Variants in HPSE2 observed in about 807,000 individuals in gnomAD.
HPSE2 encodes the protein heparanase 2 (inactive), also known as inactive heparanase-2.
In HPSE2, 38 loss-of-function variants were observed where a neutral mutation model predicts 60.5. The ratio of observed to expected loss-of-function variants is 0.63; its 90% CI spans 0.48 to 0.82. The LOEUF is 0.82. HPSE2 is among the 40% of genes least tolerant of loss of function. The pLI is 0.00. For synonymous variants in HPSE2, 295 were observed against 293.2 expected, an observed-to-expected ratio of 1.01 and a Z score of -0.06; for missense variants, 713 against 740.4, an observed-to-expected ratio of 0.96 and a Z score of 0.43.
chr10:99,066,372 A>T (rs144401201), intron 3 of HPSE2, among the ~76,000 whole-genome samples: 1 of 152,248 alleles, frequency 6.6e-6, no homozygotes, highest in Admixed American at 6.5e-5. Flanking sequence ...GAAAAGGAAG[A>T]GTAAACTCAA....
intron 3 of HPSE2, among the ~76,000 whole-genome samples, chr10:98,811,993 A>G (rs187114950): frequency 1.5e-4 from 23 of 152,260 alleles, no homozygotes; most frequent in Admixed American, 1.5e-3. Flanking sequence ...TAGAAATACA[A>G]TTCTTTTTAT....
the HPSE2 span, among the ~76,000 whole-genome samples, chr10:99,293,348 A>G: frequency 6.6e-6 from 1 of 152,232 alleles, no homozygotes; most frequent in Non-Finnish European, 1.5e-5. Context: ...CTTTATTGAG[A>G]GAATGGGATT....
chr10:98,699,776 T>C (rs903483309), intron 5 of HPSE2, among the ~76,000 whole-genome samples: 1 of 128,184 alleles, frequency 7.8e-6, no homozygotes, highest in Non-Finnish European at 1.7e-5. Flanking sequence ...CTTAAGCTGA[T>C]AAGCAACTTC....
intron 2 of HPSE2, among the ~76,000 whole-genome samples, chr10:99,154,619 GAAC>G (rs1564850693): frequency 6.6e-6 from 1 of 151,582 alleles, no homozygotes. Flanking sequence ...ACATGGAAAG[GAAC>G]AACCGGTACC....
At chr10:98,701,579 A>T (rs2134193803) in intron 5 of HPSE2, among the ~76,000 whole-genome samples, 2 of 151,840 alleles carry the variant, frequency 1.3e-5, no homozygotes, top group South Asian at 4.2e-4. Context: ...AGCATGGCAC[A>T]TGTATACATA....
intron 3 of HPSE2, among the ~76,000 whole-genome samples, chr10:99,093,833 C>A: frequency 6.6e-6 from 1 of 152,158 alleles, no homozygotes; most frequent in Non-Finnish European, 1.5e-5. Context: ...GCCTCTTAAT[C>A]TATTTTTATT....
At chr10:98,807,775 G>A (rs1951075307) in intron 3 of HPSE2, among the ~76,000 whole-genome samples, 1 of 152,182 alleles carries the variant, frequency 6.6e-6, no homozygotes, top group African/African-American at 2.4e-5. Flanking sequence ...TCTTCTTGGT[G>A]ATAGTATTTA....
chr10:99,114,711 G>A (rs1844603855), intron 3 of HPSE2, among the ~76,000 whole-genome samples: 1 of 151,846 alleles, frequency 6.6e-6, no homozygotes, highest in African/African-American at 2.4e-5. Flanking sequence ...TCAGGACATC[G>A]AGACCATCCT....
chr10:98,680,339 T>C (rs115578415), intron 6 of HPSE2, among the ~76,000 whole-genome samples: 2,214 of 152,336 alleles, frequency 0.015, 53 homozygotes, highest in African/African-American at 0.05. Flanking sequence ...AGCACTATCA[T>C]TGATCAAGAT....
chr10:98,863,421 T>C (rs1298110168), intron 3 of HPSE2, among the ~76,000 whole-genome samples: 3 of 152,146 alleles, frequency 2.0e-5, no homozygotes, highest in South Asian at 2.1e-4. Context: ...GAAGCAGTTA[T>C]AGATATCTTG....
intron 3 of HPSE2, among the ~76,000 whole-genome samples, chr10:99,070,838 T>C (rs1177651859): frequency 6.6e-6 from 1 of 152,204 alleles, no homozygotes; most frequent in East Asian, 1.9e-4. Context: ...TTTCAAGATT[T>C]CCTTATTTTG....
intron 9 of HPSE2, among the ~76,000 whole-genome samples, chr10:98,610,718 A>G (rs1300099185): frequency 6.6e-6 from 1 of 152,184 alleles, no homozygotes; most frequent in African/African-American, 2.4e-5. Flanking sequence ...CCACAAACAC[A>G]TATCAGATTA....
At chr10:99,140,099 A>G (rs1845811194) in intron 3 of HPSE2, among the ~76,000 whole-genome samples, 1 of 152,218 alleles carries the variant, frequency 6.6e-6, no homozygotes. Context: ...GTCCCCAGAT[A>G]ATTATGGTTT....
intron 3 of HPSE2, among the ~76,000 whole-genome samples, chr10:99,015,562 A>C (rs12249200): frequency 1.3e-5 from 2 of 149,794 alleles, no homozygotes; most frequent in Non-Finnish European, 3.0e-5. Context: ...GCAAACTATC[A>C]CAAGGACAAA....
chr10:98,722,284 T>TA (rs1948946760), intron 4 of HPSE2, among the ~76,000 whole-genome samples: 1 of 150,672 alleles, frequency 6.6e-6, no homozygotes, highest in East Asian at 2.0e-4. Context: ...GAAGTTCAGA[T>TA]ACCCAGACAC....
At chr10:98,890,879 A>G (rs10786482) in intron 3 of HPSE2, among the ~76,000 whole-genome samples, 98,180 of 152,068 alleles carry the variant, frequency 0.65, 32,587 homozygotes, top group South Asian at 0.79. Flanking sequence ...TCACTCCATC[A>G]AAGTATTTAC....
intron 3 of HPSE2, among the ~76,000 whole-genome samples, chr10:98,882,936 A>G (rs966357919): frequency 6.6e-6 from 1 of 152,134 alleles, no homozygotes; most frequent in African/African-American, 2.4e-5. Context: ...GGTTGTTGTT[A>G]TAAGATTTGA....
At chr10:99,175,744 A>T (rs1344764099) in intron 2 of HPSE2, among the ~76,000 whole-genome samples, 2 of 152,184 alleles carry the variant, frequency 1.3e-5, no homozygotes, top group Non-Finnish European at 2.9e-5. Context: ...AGAGGAGCAG[A>T]TCTCCCAGCA....
At chr10:98,502,209 T>C (rs1329729567) in intron 9 of HPSE2, among the ~76,000 whole-genome samples, 1 of 152,054 alleles carries the variant, frequency 6.6e-6, no homozygotes, top group East Asian at 1.9e-4. Context: ...CTAAAATTCA[T>C]ATGGAACCAA....
Sources: gnomAD v4.1 joint callset for allele counts (sites outside exome capture counted in the v4.1 genomes callset) on GRCh38, gnomAD v4.1.1 for gene constraint, MANE v1.5 for transcripts, NCBI Gene and HGNC (gene_info 2026-07-23, HGNC 2026-07-21) for gene names.